Variants in LANCL2 observed in about 807,000 individuals in gnomAD.
LANCL2 encodes the protein LanC like glutathione S-transferase 2, also known as lanC-like protein 2.
In LANCL2, 33 loss-of-function variants were observed where a neutral mutation model predicts 56.9. The ratio of observed to expected loss-of-function variants is 0.58; its 90% CI spans 0.44 to 0.78. LANCL2 has a LOEUF of 0.78. Ranked by LOEUF, LANCL2 falls within the 30% of genes least tolerant of loss-of-function variation. The probability of loss-of-function intolerance (pLI) is 0.00; values close to 1 mark genes in which losing one functional copy is unlikely to be tolerated. For missense variants in LANCL2, 562 were observed against 580.2 expected (o/e 0.97, Z 0.32); for synonymous variants, 233 against 228.2 (o/e 1.02, Z -0.19).
chr7:55,402,242 C>CA (rs1790340939), intron 5 of LANCL2, among the ~76,000 whole-genome samples: 1 of 134,362 alleles, frequency 7.4e-6, no homozygotes, highest in Admixed American at 7.1e-5. Flanking sequence ...GCTGGCCGGG[C>CA]GGGGGGCTGA....
intron 7 of LANCL2, among the ~76,000 whole-genome samples, chr7:55,425,709 G>A (rs951007442): frequency 5.3e-5 from 8 of 152,156 alleles, no homozygotes; most frequent in African/African-American, 1.9e-4. Flanking sequence ...GGCTTTATGA[G>A]TTTGGATATG....
At chr7:55,402,766 G>C (rs1469100846) in intron 5 of LANCL2, among the ~76,000 whole-genome samples, 5 of 124,938 alleles carry the variant, frequency 4.0e-5, no homozygotes, top group South Asian at 2.4e-4. Context: ...CTCAGACGGG[G>C]CGGTTGCCGG....
intron 1 of LANCL2, among the ~76,000 whole-genome samples, chr7:55,384,739 A>C (rs1021966105): frequency 2.6e-5 from 4 of 152,190 alleles, no homozygotes; most frequent in Non-Finnish European, 5.9e-5. Flanking sequence ...GTTAGAAATC[A>C]TGGAGACAGA....
At chr7:55,375,927 A>G (rs1000092055) in intron 1 of LANCL2, among the ~76,000 whole-genome samples, 5 of 152,158 alleles carry the variant, frequency 3.3e-5, no homozygotes, top group Admixed American at 6.5e-5. Flanking sequence ...CCGCAGATCA[A>G]GTCACTCTCA....
At position 55,367,932 on chromosome 7, in the gene LANCL2, A is replaced by G. The variant is rs536761225; in HGVS notation, c.204+1703A>G. Among the ~76,000 whole-genome samples the G allele has an allele frequency of 2.4e-3, 371 of 152,284 alleles. 2 individuals carry two copies. Among genetic ancestry groups the G allele is most frequent in the African/African-American group, 8.5e-3 (355 of 41,544 alleles). The stretch of plus-strand genomic sequence containing the variant: ...ATTGGTTTTTCTCTAGATTTCTTCT[A>G]TTTTTACATACAAATATGTGTTTCA... On this transcript the variant is annotated intron_variant, in intron 1 of 8. Transcript: ENST00000254770.
intron 6 of LANCL2, among the ~76,000 whole-genome samples, chr7:55,419,494 C>T (rs1790584979): frequency 2.0e-5 from 3 of 151,284 alleles, no homozygotes; most frequent in South Asian, 4.2e-4. Context: ...CTCCGCCTCC[C>T]GGGTTCAGGC....
intron 5 of LANCL2, among the ~76,000 whole-genome samples, chr7:55,405,634 G>A (rs767700380): frequency 3.9e-4 from 59 of 151,130 alleles, no homozygotes; most frequent in Non-Finnish European, 6.2e-4. Flanking sequence ...GATTACAGGC[G>A]TCCACCACCA....
At position 55,385,403 on chromosome 7, in the gene LANCL2, G is replaced by A. The variant is rs574170558; in HGVS notation, c.205-6390G>A. 3.3e-5 allele frequency among the ~76,000 whole-genome samples: 5 copies of A among 152,340 alleles called. No individual in the cohort carries two copies. In the South Asian group the frequency reaches 1.0e-3, roughly 32 times the overall value. On this transcript the variant is annotated intron_variant, in intron 1 of 8. Transcript: ENST00000254770. ...TCAGGGGACCTGCCCCGATAATCATGTAGGTTCTTTTCTATTTTCCTAAGC... is the reference window on the plus strand; with the variant it reads ...TCAGGGGACCTGCCCCGATAATCATATAGGTTCTTTTCTATTTTCCTAAGC...
At chr7:55,395,914 A>T (rs1790246684) in intron 2 of LANCL2, among the ~76,000 whole-genome samples, 1 of 152,230 alleles carries the variant, frequency 6.6e-6, no homozygotes, top group Admixed American at 6.5e-5. Context: ...ACACACCTAG[A>T]TTGTGTAGCC....
intron 1 of LANCL2, among the ~76,000 whole-genome samples, chr7:55,385,100 T>C (rs983269380): frequency 2.6e-5 from 4 of 152,042 alleles, no homozygotes; most frequent in Admixed American, 2.0e-4. Context: ...GGCAGGAGAA[T>C]CGCTTGACTC....
At chr7:55,421,053 T>A (rs1160124377) in intron 6 of LANCL2, among the ~76,000 whole-genome samples, 1 of 152,204 alleles carries the variant, frequency 6.6e-6, no homozygotes, top group Admixed American at 6.5e-5. Flanking sequence ...ATGCAGCTGC[T>A]CCAGCATTTT....
chr7:55,411,718 A>G (rs942118788), intron 5 of LANCL2, among the ~76,000 whole-genome samples, 189 bp from the exon 6 acceptor site: 1 of 152,246 alleles, frequency 6.6e-6, no homozygotes, highest in African/African-American at 2.4e-5. Context: ...AAAATACACT[A>G]TAACACTAAG....
At chr7:55,413,704 C>T (rs942718192) in intron 6 of LANCL2, among the ~76,000 whole-genome samples, 1 of 152,222 alleles carries the variant, frequency 6.6e-6, no homozygotes, top group Non-Finnish European at 1.5e-5. Context: ...CATAGAATAC[C>T]ATTCAGACAC....
At chr7:55,427,039 C>T (rs1790671622) in intron 7 of LANCL2, among the ~76,000 whole-genome samples, 1 of 152,188 alleles carries the variant, frequency 6.6e-6, no homozygotes, top group Non-Finnish European at 1.5e-5. Context: ...GGCAGAGCTG[C>T]AGAGCACGAA....
At chr7:55,371,933 T>G (rs1419282447) in intron 1 of LANCL2, among the ~76,000 whole-genome samples, 1 of 151,792 alleles carries the variant, frequency 6.6e-6, no homozygotes, top group Non-Finnish European at 1.5e-5. Flanking sequence ...GTGTGTCAGG[T>G]GGAAGGTGGG....
At position 55,428,451 on chromosome 7, in the gene LANCL2, A is replaced by G; in HGVS notation, c.1258+4A>G. The G allele has an allele frequency of 1.2e-6, 2 of 1,613,316 alleles. No homozygotes were observed. Among genetic ancestry groups the G allele is most frequent in the South Asian group, 1.1e-5 (1 of 91,054 alleles). ...AGACCCTATTCGCTCTTTGAAGGTA[A>G]GAGTGAGAAAAATGCTATAGATTAA... On this transcript the variant is annotated splice_donor_region_variant and intron_variant, in intron 8 of 8. Transcript: ENST00000254770.
chr7:55,387,898 T>A (rs1583748003), intron 1 of LANCL2, among the ~76,000 whole-genome samples: 1 of 152,212 alleles, frequency 6.6e-6, no homozygotes, highest in Non-Finnish European at 1.5e-5. Context: ...AAAATACCTC[T>A]TTTCCTTTTC....
chr7:55,400,559 T>C (rs1790310032), intron 4 of LANCL2, among the ~76,000 whole-genome samples: 1 of 152,214 alleles, frequency 6.6e-6, no homozygotes, highest in Admixed American at 6.5e-5. Context: ...AGTCTCCAAG[T>C]TGCCCTCTTT....
intron 8 of LANCL2, among the ~76,000 whole-genome samples, chr7:55,429,870 T>C (rs1468248900): frequency 6.6e-6 from 1 of 152,250 alleles, no homozygotes; most frequent in African/African-American, 2.4e-5. Context: ...CAGACAGAAC[T>C]GTGGGGGACT....
Sources: allele counts gnomAD v4.1 joint callset (sites outside exome capture counted in the v4.1 genomes callset), GRCh38; gene constraint gnomAD v4.1.1; transcripts MANE v1.5; gene names NCBI Gene and HGNC (gene_info 2026-07-23, HGNC 2026-07-21).